The following CSMD1 variants were observed in gnomAD, a reference collection of about 807,000 sequenced individuals.
CSMD1 encodes CUB and Sushi multiple domains 1, also known as CUB and sushi domain-containing protein 1.
CSMD1 carries 213 observed loss-of-function variants against 417.5 expected under a neutral mutation model. That is an observed-to-expected ratio of 0.51 (90% CI 0.46 to 0.57). The LOEUF (loss-of-function observed/expected upper bound fraction) is 0.57. Among genes scored for constraint, CSMD1 ranks in the 20% least tolerant of loss-of-function variants. The pLI is 0.00. For missense variants in CSMD1, 6,923 were observed against 4,529.7 expected, an observed-to-expected ratio of 1.53 and a Z score of -15.17; for synonymous variants, 2,862 against 1,736.8, an observed-to-expected ratio of 1.65 and a Z score of -16.11.
intron 3 of CSMD1, among the ~76,000 whole-genome samples, chr8:4,158,496 A>C (rs1398093722): frequency 6.6e-6 from 1 of 152,122 alleles, no homozygotes; most frequent in Non-Finnish European, 1.5e-5. Context: ...GTATGGCAAA[A>C]GGATATTGGA....
chr8:3,298,441 A>G (rs1584952324), intron 25 of CSMD1, among the ~76,000 whole-genome samples: 1 of 151,298 alleles, frequency 6.6e-6, no homozygotes, highest in East Asian at 1.9e-4. Context: ...CACATAATTA[A>G]TAAAACTGTA....
intron 3 of CSMD1, among the ~76,000 whole-genome samples, chr8:4,405,905 G>C (rs140558498): frequency 6.6e-6 from 1 of 152,230 alleles, no homozygotes; most frequent in East Asian, 1.9e-4. Flanking sequence ...CCTAATATTT[G>C]CTCCAAGGAG....
intron 4 of CSMD1, among the ~76,000 whole-genome samples, chr8:4,022,362 T>C (rs531168135): frequency 9.9e-5 from 15 of 152,126 alleles, no homozygotes; most frequent in Admixed American, 7.2e-4. Flanking sequence ...ATACTTAAAA[T>C]CATGAAGCAA....
chr8:4,335,624 A>G (rs1800119549), intron 3 of CSMD1, among the ~76,000 whole-genome samples: 1 of 152,164 alleles, frequency 6.6e-6, no homozygotes, highest in Admixed American at 6.6e-5. Flanking sequence ...TGATTCATGT[A>G]TTTATTCAAA....
At chr8:3,997,336 C>T (rs1815294167) in intron 5 of CSMD1, among the ~76,000 whole-genome samples, 1 of 152,162 alleles carries the variant, frequency 6.6e-6, no homozygotes, top group South Asian at 2.1e-4. Context: ...TTTGTCTCTA[C>T]TGGGGTACAC....
At chr8:3,486,240 T>C (rs1291444359) in intron 11 of CSMD1, among the ~76,000 whole-genome samples, 1 of 151,352 alleles carries the variant, frequency 6.6e-6, no homozygotes, top group Non-Finnish European at 1.5e-5. Context: ...TATTACCTTC[T>C]CCTTGTACTG....
At chr8:4,312,394 C>CAT (rs200415021) in intron 3 of CSMD1, among the ~76,000 whole-genome samples, 1 of 39,502 alleles carries the variant, frequency 2.5e-5, no homozygotes, top group African/African-American at 4.8e-5. Flanking sequence ...TATATATATA[C>CAT]ATACATATAT....
chr8:3,924,970 T>A (rs1446386609), intron 5 of CSMD1, among the ~76,000 whole-genome samples: 1 of 152,192 alleles, frequency 6.6e-6, no homozygotes, highest in Non-Finnish European at 1.5e-5. Flanking sequence ...TTCTTAGCAT[T>A]TGAAGCAGTA....
chr8:3,743,032 G>A (rs73496874), intron 6 of CSMD1, among the ~76,000 whole-genome samples: 1 of 152,140 alleles, frequency 6.6e-6, no homozygotes, highest in Non-Finnish European at 1.5e-5. Context: ...TAGCACACTT[G>A]TCTCACTTGA....
chr8:3,872,002 G>C (rs182249955), intron 5 of CSMD1, among the ~76,000 whole-genome samples: 8 of 152,164 alleles, frequency 5.3e-5, no homozygotes, highest in Admixed American at 3.3e-4. Context: ...CTATGCAATG[G>C]TGTGCAGTGA....
At chr8:4,645,811 C>T (rs1045554270) in intron 1 of CSMD1, among the ~76,000 whole-genome samples, 30 of 151,994 alleles carry the variant, frequency 2.0e-4, no homozygotes, top group Non-Finnish European at 2.8e-4. Flanking sequence ...CTTTAGATTC[C>T]GGGACACATC....
chr8:3,608,105 G>C (rs573676682), intron 8 of CSMD1, among the ~76,000 whole-genome samples: 6 of 151,264 alleles, frequency 4.0e-5, no homozygotes, highest in African/African-American at 1.2e-4. Context: ...CTGGGAGGTG[G>C]AGAGGTTGCA....
intron 1 of CSMD1, among the ~76,000 whole-genome samples, chr8:4,967,415 A>T (rs1446424060): frequency 6.6e-6 from 1 of 152,178 alleles, no homozygotes; most frequent in Non-Finnish European, 1.5e-5. Flanking sequence ...TTGATAAATA[A>T]CTACATTAGT....
At chr8:3,847,646 C>G (rs568521597) in intron 5 of CSMD1, among the ~76,000 whole-genome samples, 1 of 152,138 alleles carries the variant, frequency 6.6e-6, no homozygotes, top group Non-Finnish European at 1.5e-5. Context: ...CACGGATGCA[C>G]TGCCTTCAGC....
In CSMD1 at chr8:2,942,566, G is replaced by A. The variant is rs1214705903; in HGVS notation, c.10441C>T (p.His3481Tyr). The A allele has an allele frequency of 1.9e-6, 3 of 1,603,998 alleles. No homozygotes were observed. Among genetic ancestry groups the A allele is most frequent in the Non-Finnish European group, 1.7e-6 (2 of 1,174,536 alleles). Residue 3481 changes from histidine (H) to tyrosine (Y), a missense_variant, in exon 69 of 70, where the codon CAC becomes TAC. By Grantham distance (83) the His-to-Tyr change is moderately conservative (BLOSUM62 2). Coordinates refer to ENST00000635120, the MANE Select transcript of CSMD1 (RefSeq NM_033225.6). ...GCCACAGAGCCACTGCTGGTGCCGT[G>A]GTAATGACTGGAAGAGTCTTGATCT... ...NPDQDSSSHY[H>Y]GTSSGSVAAA...
intron 5 of CSMD1, among the ~76,000 whole-genome samples, chr8:3,775,901 C>T (rs1400025294): frequency 1.3e-5 from 2 of 152,316 alleles, no homozygotes; most frequent in East Asian, 3.9e-4. Flanking sequence ...TGTGGCTTCT[C>T]AATGAGCTCC....
intron 6 of CSMD1, among the ~76,000 whole-genome samples, chr8:3,745,906 C>T (rs1055074535): frequency 1.3e-5 from 2 of 152,130 alleles, no homozygotes; most frequent in African/African-American, 2.4e-5. Flanking sequence ...TACAGCAGCT[C>T]GCCAACCTGG....
At chr8:3,756,745 A>G (rs1797682326) in intron 5 of CSMD1, among the ~76,000 whole-genome samples, 1 of 151,776 alleles carries the variant, frequency 6.6e-6, no homozygotes, top group Non-Finnish European at 1.5e-5. Context: ...GAACATATAT[A>G]TTTTCTCACT....
chr8:4,773,236 T>C lies in CSMD1; in HGVS notation c.86-135678A>G, dbSNP rs572601035. ...TCACAGCTCAAAAAGTTTCAGACTT[T>C]GGGGTATTTCAGATTTTGGAATTAT... On this transcript the variant is annotated intron_variant, in intron 1 of 69. Transcript: ENST00000635120. Among the ~76,000 whole-genome samples the C allele has an allele frequency of 3.9e-5, 6 of 152,296 alleles. 1 individual carries two copies. In the East Asian group the frequency reaches 7.7e-4, roughly 20 times the overall value.
Sources: gnomAD v4.1 joint callset for allele counts (sites outside exome capture counted in the v4.1 genomes callset) on GRCh38, gnomAD v4.1.1 for gene constraint, MANE v1.5 for transcripts, NCBI Gene and HGNC (gene_info 2026-07-23, HGNC 2026-07-21) for gene names.